CSMD3: variants seen among roughly 807,000 people sequenced by gnomAD.
CSMD3 encodes the protein CUB and sushi domain-containing protein 3.
In CSMD3, 177 loss-of-function variants were observed where a neutral mutation model predicts 435.2. The ratio of observed to expected loss-of-function variants is 0.41; its 90% confidence interval spans 0.36 to 0.46. The LOEUF (loss-of-function observed/expected upper bound fraction) is 0.46, where lower values mean the gene tolerates loss of function less well. Among genes scored for constraint, CSMD3 ranks in the 20% least tolerant of loss-of-function variants. The pLI, the probability that CSMD3 is intolerant of heterozygous loss-of-function variation, is 0.34. For missense variants in CSMD3, 4,265 were observed against 4,504.6 expected (o/e 0.95, Z 1.52); for synonymous variants, 1,656 against 1,520.5 (o/e 1.09, Z -2.07).
intron 61 of CSMD3, among the ~76,000 whole-genome samples, chr8:112,261,772 C>T (rs187608432): frequency 6.6e-6 from 1 of 151,950 alleles, no homozygotes; most frequent in Non-Finnish European, 1.5e-5. Context: ...ACCCACCCAT[C>T]ATGAGTCTAT....
intron 24 of CSMD3, 69 bp from the exon 25 acceptor site, chr8:112,557,023 C>T (rs572622328): frequency 5.2e-6 from 5 of 953,000 alleles, no homozygotes; most frequent in African/African-American, 3.3e-5. Flanking sequence ...ACAAATCATT[C>T]CTTTCCTTTA....
Position 113,329,227 on chromosome 8 carries a change from A to ATAAATAAATAAG in CSMD3, c.179-14435_179-14434insCTTATTTATTTA, listed in dbSNP as rs1324127270. 5.0e-3 allele frequency among the ~76,000 whole-genome samples: 755 copies of ATAAATAAATAAG among 151,248 alleles called. 6 individuals carry two copies. The highest frequency in any genetic ancestry group is 7.9e-3 in the Non-Finnish European group (536 of 67,738). The stretch of plus-strand genomic sequence containing the variant: ...TGAAAATAAATAAATAAATAAATAA[A>ATAAATAAATAAG]TAAATAAGGAATTAACTGAAAATGT... On this transcript the variant is annotated intron_variant, in intron 1 of 70. Coordinates refer to ENST00000297405, the MANE Select transcript of CSMD3 (RefSeq NM_198123.2).
At position 112,320,451 on chromosome 8, in the gene CSMD3, T is replaced by A. The variant is rs147893378; in HGVS notation, c.7166-470A>T. Reference sequence around the variant, plus strand: ...CTTAACTCAATCCTCACAAAAAAAATTTTCTTATTTAATTTATGTTACTAT... The same window carrying A: ...CTTAACTCAATCCTCACAAAAAAAAATTTCTTATTTAATTTATGTTACTAT... On this transcript the variant is annotated intron_variant, in intron 45 of 70. Coordinates refer to ENST00000297405, the MANE Select transcript of CSMD3 (RefSeq NM_198123.2). Among the ~76,000 whole-genome samples the A allele has an allele frequency of 8.2e-3, 1,253 of 152,076 alleles. 13 individuals carry two copies. Among genetic ancestry groups the A allele is most frequent in the African/African-American group, 0.028 (1,171 of 41,468 alleles).
intron 2 of CSMD3, among the ~76,000 whole-genome samples, chr8:113,293,787 T>G (rs2093701636): frequency 6.6e-6 from 1 of 152,108 alleles, no homozygotes; most frequent in Non-Finnish European, 1.5e-5. Context: ...AAGGTGGCTA[T>G]TTATGGGTAG....
chr8:113,388,924 G>A lies in CSMD3; in HGVS notation c.178+47753C>T, dbSNP rs193215415. The stretch of plus-strand genomic sequence containing the variant: ...CCATGGGAATAATTAAAACATGAGT[G>A]TAAGAGCGCTGGAAGTTTTTGAGTT... On this transcript the variant is annotated intron_variant, in intron 1 of 70. Coordinates refer to ENST00000297405, the MANE Select transcript of CSMD3 (RefSeq NM_198123.2). Among the ~76,000 whole-genome samples the A allele has an allele frequency of 3.2e-4, 48 of 151,662 alleles. 1 individual carries two copies. The highest frequency in any genetic ancestry group is 2.9e-3 in the Admixed American group (44 of 15,188).
chr8:113,073,094 T>C (rs1564282157), intron 5 of CSMD3, among the ~76,000 whole-genome samples: 1 of 151,876 alleles, frequency 6.6e-6, no homozygotes, highest in Non-Finnish European at 1.5e-5. Flanking sequence ...CTCCCGAATT[T>C]TCCTTTTTAT....
At chr8:113,183,683 A>T (rs2092456446) in intron 3 of CSMD3, among the ~76,000 whole-genome samples, 1 of 151,972 alleles carries the variant, frequency 6.6e-6, no homozygotes, top group African/African-American at 2.4e-5. Flanking sequence ...TGGCCAATTT[A>T]TGCCTGAGCT....
At chr8:112,375,753 C>T (rs1391798249) in intron 38 of CSMD3, among the ~76,000 whole-genome samples, 1 of 152,036 alleles carries the variant, frequency 6.6e-6, no homozygotes, top group Non-Finnish European at 1.5e-5. Flanking sequence ...TTTAAAGTTT[C>T]ATCAATTTAC....
Position 112,636,990 on chromosome 8 carries a change from G to A in CSMD3, c.3542C>T (p.Pro1181Leu), listed in dbSNP as rs1237224160. ...TTGAGGAATGCCAGGATCTTCACAA[G>A]GTTCAAGGTTATATTCTGTAAATTA... ...NITFSEYNLE[P>L]CEDPGIPQYG... Residue 1181 changes from proline (P) to leucine (L), a missense_variant, in exon 22 of 71, where the codon CCT becomes CTT. Coordinates refer to ENST00000297405, the MANE Select transcript of CSMD3 (RefSeq NM_198123.2). The A allele has an allele frequency of 1.1e-5, 18 of 1,613,650 alleles. No homozygotes were observed. The highest frequency in any genetic ancestry group is 1.4e-5 in the Non-Finnish European group (17 of 1,179,700).
chr8:112,905,302 A>ATG (rs770099783), intron 10 of CSMD3, among the ~76,000 whole-genome samples: 3,820 of 79,222 alleles, frequency 0.048, 53 homozygotes, highest in Non-Finnish European at 0.061. Flanking sequence ...AACATATACT[A>ATG]TGTGTATATA....
At chr8:113,194,719 G>C (rs563859037) in intron 3 of CSMD3, among the ~76,000 whole-genome samples, 12 of 151,140 alleles carry the variant, frequency 7.9e-5, no homozygotes, top group Non-Finnish European at 1.6e-4. Context: ...AAAAAGTAAA[G>C]TTTTTTAAAT....
intron 52 of CSMD3, 101 bp from the exon 53 acceptor site, chr8:112,302,067 T>A (rs780982192): frequency 9.7e-6 from 8 of 820,644 alleles, no homozygotes; most frequent in Non-Finnish European, 1.4e-5. Context: ...TGATTTGATG[T>A]ATTTACAAAG....
chr8:112,277,520 T>C (rs1818185337), intron 59 of CSMD3, among the ~76,000 whole-genome samples: 1 of 152,134 alleles, frequency 6.6e-6, no homozygotes, highest in Non-Finnish European at 1.5e-5. Flanking sequence ...TTCTGTCTTC[T>C]CCTGAGCCCT....
intron 9 of CSMD3, among the ~76,000 whole-genome samples, chr8:112,941,186 T>C (rs890318148): frequency 3.3e-5 from 5 of 151,770 alleles, no homozygotes; most frequent in Admixed American, 2.6e-4. Context: ...CGCTAAGATA[T>C]AACATTCTAG....
chr8:113,334,178 TTC>T (rs934590104), intron 1 of CSMD3, among the ~76,000 whole-genome samples: 2 of 151,452 alleles, frequency 1.3e-5, no homozygotes, highest in African/African-American at 4.8e-5. Context: ...ATTTTCTACT[TTC>T]TGTCTTAATC....
chr8:113,362,443 A>G (rs912092248), intron 1 of CSMD3, among the ~76,000 whole-genome samples: 1 of 152,208 alleles, frequency 6.6e-6, no homozygotes, highest in Admixed American at 6.5e-5. Context: ...ACTTCTCAGT[A>G]ATAAAAAGTA....
chr8:112,611,955 G>T (rs903946916), intron 22 of CSMD3, among the ~76,000 whole-genome samples: 3 of 152,010 alleles, frequency 2.0e-5, no homozygotes, highest in Non-Finnish European at 4.4e-5. Context: ...CTATTTGCTG[G>T]GAGTAAGAAG....
intron 38 of CSMD3, among the ~76,000 whole-genome samples, chr8:112,370,044 A>G (rs1348689289): frequency 3.5e-5 from 5 of 142,440 alleles, no homozygotes; most frequent in Non-Finnish European, 6.2e-5. Context: ...AAGAAGAAGA[A>G]GAAGAAGAAG....
rs1363194317 is a variant in CSMD3, at chr8:112,638,633, T to C, written c.3526+63A>G. On this transcript the variant is annotated intron_variant, in intron 21 of 70. Transcript: ENST00000297405. ...ACTGTTTTATCATCAGTTATGCTCA[T>C]ATCTTGAAAAATTGCTTTTTTAAAA... 4.2e-6 allele frequency: 4 copies of C among 961,378 alleles called. No homozygotes were observed. In the East Asian group the frequency reaches 9.9e-5, roughly 24 times the overall value. 59.6% of individuals were successfully genotyped at this position (961,378 alleles called of 1,614,324 possible).
Sources: allele counts gnomAD v4.1 joint callset (sites outside exome capture counted in the v4.1 genomes callset), GRCh38; gene constraint gnomAD v4.1.1; transcripts MANE v1.5; gene names NCBI Gene and HGNC (gene_info 2026-07-23, HGNC 2026-07-21).